ZNF618: variants seen among roughly 807,000 people sequenced by gnomAD.
The protein encoded by ZNF618 is neural precursor cell expressed, developmentally down-regulated 10.
A neutral mutation model predicts 103.0 loss-of-function variants in ZNF618; 34 were observed. That is an observed-to-expected ratio of 0.33 (90% CI 0.25 to 0.44). ZNF618 has a LOEUF of 0.44. ZNF618 is among the 20% of genes least tolerant of loss of function. ZNF618 has a pLI of 1.00. For synonymous variants in ZNF618, 551 were observed against 542.2 expected (o/e 1.02, Z -0.23); for missense variants, 1,059 against 1,295.4 (o/e 0.82, Z 2.80).
chr9:114,049,396 G>T lies in ZNF618; in HGVS notation c.2094G>T (p.Thr698=). ...CACCACCCTGCTGGAACTCGGTGACGGACTCACTGTTGCTGGTGCATGAGC... is the reference window on the plus strand; with the variant it reads ...CACCACCCTGCTGGAACTCGGTGACTGACTCACTGTTGCTGGTGCATGAGC... The part of the protein sequence containing the change: ...TSPPPCWNSV[T]DSLLLVHERY... Residue 698 remains threonine, a synonymous_variant, in exon 15 of 15, where the codon ACG becomes ACT. Transcript: ENST00000374126. 6.2e-7 allele frequency: 1 copy of T among 1,603,638 alleles called. No homozygotes were observed. Among genetic ancestry groups the T allele is most frequent in the Non-Finnish European group, 8.5e-7 (1 of 1,175,390 alleles).
chr9:113,952,276 G>A (rs969155757), intron 1 of ZNF618, among the ~76,000 whole-genome samples: 3 of 152,148 alleles, frequency 2.0e-5, no homozygotes, highest in African/African-American at 7.2e-5. Context: ...GGAAGGGCTG[G>A]GATCTTCCAG....
intron 6 of ZNF618, among the ~76,000 whole-genome samples, chr9:114,006,114 A>T (rs1841732715): frequency 1.3e-5 from 2 of 152,328 alleles, no homozygotes; most frequent in South Asian, 2.1e-4. Context: ...TGTGTCCCTA[A>T]GTTCAGAAGG....
At chr9:113,901,757 A>G (rs1830569909) in intron 1 of ZNF618, among the ~76,000 whole-genome samples, 3 of 152,158 alleles carry the variant, frequency 2.0e-5, no homozygotes, top group Admixed American at 1.3e-4. Context: ...CAAACCTGCA[A>G]GCAAGTTTTG....
At chr9:114,009,725 C>T (rs1293721449) in intron 9 of ZNF618, among the ~76,000 whole-genome samples, 1 of 152,134 alleles carries the variant, frequency 6.6e-6, no homozygotes, top group Non-Finnish European at 1.5e-5. Flanking sequence ...ATGAGGATAT[C>T]TGAGTGAAGG....
intron 11 of ZNF618, among the ~76,000 whole-genome samples, chr9:114,029,320 T>C (rs938697365): frequency 2.6e-5 from 4 of 152,236 alleles, no homozygotes; most frequent in Non-Finnish European, 5.9e-5. Flanking sequence ...AATTGCCAGC[T>C]TCTGAACATC....
At position 114,054,701 on chromosome 9, in the gene ZNF618, G is replaced by A. The variant is rs1288805756; in HGVS notation, c.*4534G>A. ...AGTTATGGTGAACCAATGATACAGT[G>A]TTTTCCCTCTTAACGTTCCCCTCCT... On this transcript the variant is annotated 3_prime_UTR_variant, in exon 15 of 15. Transcript: ENST00000374126. The A allele has an allele frequency of 6.5e-6, 1 of 152,726 alleles. No homozygotes were observed. The highest frequency in any genetic ancestry group is 1.9e-4 in the East Asian group (1 of 5,200). The allele number at this position is 152,726 out of a possible 1,614,324, so 9.5% of individuals were successfully genotyped here. A position where few individuals can be genotyped will look rare whatever the true frequency, so the allele number is the denominator to read the frequency against.
Position 114,030,204 on chromosome 9 carries a change from C to T in ZNF618, c.1084+1232C>T, listed in dbSNP as rs570241009. 1.2e-4 allele frequency among the ~76,000 whole-genome samples: 19 copies of T among 152,274 alleles called. No individual in the cohort carries two copies. The South Asian group carries it at 3.7e-3, about 30-fold the overall frequency. Reference sequence around the variant, plus strand: ...AATTTTGGGCAAGGGCGTGATTCTTCGAAGATATGTTTATTGTGCTTAGAT... The same window carrying T: ...AATTTTGGGCAAGGGCGTGATTCTTTGAAGATATGTTTATTGTGCTTAGAT... On this transcript the variant is annotated intron_variant, in intron 11 of 14. Transcript: ENST00000374126.
intron 13 of ZNF618, among the ~76,000 whole-genome samples, chr9:114,037,595 T>C (rs1042940206): frequency 6.6e-6 from 1 of 152,202 alleles, no homozygotes; most frequent in Non-Finnish European, 1.5e-5. Flanking sequence ...ATAATGGTGC[T>C]CAGTAATTGG....
chr9:113,920,611 A>AGAT (rs2131627290), intron 1 of ZNF618, among the ~76,000 whole-genome samples: 1 of 152,272 alleles, frequency 6.6e-6, no homozygotes, highest in South Asian at 2.1e-4. Context: ...CATGTTGGCC[A>AGAT]GATTGGTCTC....
Position 114,048,680 on chromosome 9 carries a change from A to G in ZNF618, c.1378A>G (p.Met460Val). The G allele has an allele frequency of 2.1e-5, 34 of 1,613,628 alleles. No individual in the cohort carries two copies. The highest frequency in any genetic ancestry group is 2.9e-5 in the Non-Finnish European group (34 of 1,179,630). ...TTTSGLTPNS[M>V]IPEKERQNIA... ...TACCAGTGGTTTAACACCCAACAGC[A>G]TGATCCCCGAAAAGGAGCGGCAGAA... Residue 460 changes from methionine (M) to valine (V), a missense_variant, in exon 15 of 15, where the codon ATG (methionine) becomes GTG (valine). Physicochemically the swap from Met to Val is conservative, Grantham distance 21. Coordinates refer to ENST00000374126, the MANE Select transcript of ZNF618 (RefSeq NM_001318042.2).
chr9:113,969,196 A>G, intron 2 of ZNF618, 36 bp downstream of exon 2: 1 of 1,613,634 alleles, frequency 6.2e-7, no homozygotes, highest in Non-Finnish European at 8.5e-7. Flanking sequence ...TTGTCCACCC[A>G]TCGACTCAGG....
intron 4 of ZNF618, among the ~76,000 whole-genome samples, chr9:114,000,134 C>T (rs900929470): frequency 2.0e-5 from 3 of 152,180 alleles, no homozygotes; most frequent in Admixed American, 6.5e-5. Flanking sequence ...CTAAATCCCA[C>T]GCTGGTGTTA....
At chr9:113,931,572 G>A (rs1833591628) in intron 1 of ZNF618, among the ~76,000 whole-genome samples, 1 of 152,144 alleles carries the variant, frequency 6.6e-6, no homozygotes, top group Non-Finnish European at 1.5e-5. Context: ...GTGTGGGAAG[G>A]ACCAGATCAG....
At chr9:114,013,122 A>G (rs1182442340) in intron 9 of ZNF618, among the ~76,000 whole-genome samples, 1 of 152,210 alleles carries the variant, frequency 6.6e-6, no homozygotes, top group Non-Finnish European at 1.5e-5. Context: ...TGTTGAAGGG[A>G]AAAAGTTGTA....
chr9:114,050,331 TGTATGTACACAGCCACACGTGTGTGC>T lies in ZNF618; in HGVS notation c.*165_*190del. On this transcript the variant is annotated 3_prime_UTR_variant, in exon 15 of 15. Transcript: ENST00000374126. ...CTTTTTTTATATGTGTGTGTGTGCGTGTATGTACACAGCCACACGTGTGTGCACGTGTCTGAACACGTGCTGTGGTT... is the reference window on the plus strand; with the variant it reads ...CTTTTTTTATATGTGTGTGTGTGCGTACGTGTCTGAACACGTGCTGTGGTT... The T allele has an allele frequency of 3.8e-6, 3 of 797,566 alleles. No individual in the cohort carries two copies. Among genetic ancestry groups the T allele is most frequent in the Non-Finnish European group, 5.7e-6 (3 of 522,278 alleles). The allele number at this position is 797,566 out of a possible 1,614,324, so 49.4% of individuals were successfully genotyped here.
intron 1 of ZNF618, among the ~76,000 whole-genome samples, chr9:113,924,175 G>C (rs916470889): frequency 2.0e-5 from 3 of 151,878 alleles, no homozygotes; most frequent in Admixed American, 2.0e-4. Context: ...TATTAATTAT[G>C]GATTCAGTTT....
chr9:113,889,727 G>A (rs2130990275), intron 1 of ZNF618, among the ~76,000 whole-genome samples: 1 of 152,150 alleles, frequency 6.6e-6, no homozygotes, highest in Non-Finnish European at 1.5e-5. Context: ...ACCTTTCCAT[G>A]CATCTCTCTC....
chr9:113,912,421 A>C (rs1831637815), intron 1 of ZNF618, among the ~76,000 whole-genome samples: 1 of 152,194 alleles, frequency 6.6e-6, no homozygotes, highest in Admixed American at 6.5e-5. Context: ...GGTAAGAGCC[A>C]GTTTAGGAAA....
intron 13 of ZNF618, among the ~76,000 whole-genome samples, chr9:114,045,057 T>G (rs1845537051): frequency 6.6e-6 from 1 of 152,108 alleles, no homozygotes; most frequent in South Asian, 2.1e-4. Context: ...TGGTTTTTTT[T>G]GGATCCTTTT....
Sources: allele counts gnomAD v4.1 joint callset (sites outside exome capture counted in the v4.1 genomes callset), GRCh38; gene constraint gnomAD v4.1.1; transcripts MANE v1.5; gene names NCBI Gene and HGNC (gene_info 2026-07-23, HGNC 2026-07-21).